The following NEO1 variants were observed in gnomAD, a reference collection of about 807,000 sequenced individuals.
NEO1 encodes neogenin 1, also known as neogenin.
Under a neutral mutation model 159.7 loss-of-function variants are expected in NEO1, and 63 were observed. That is an observed-to-expected ratio of 0.39 (90% confidence interval 0.32 to 0.49). The LOEUF (loss-of-function observed/expected upper bound fraction) is 0.49. Among genes scored for constraint, NEO1 ranks in the 20% least tolerant of loss-of-function variants. The probability of loss-of-function intolerance (pLI) is 0.85; values close to 1 mark genes in which losing one functional copy is unlikely to be tolerated. For synonymous variants in NEO1, 633 were observed against 662.0 expected, an observed-to-expected ratio of 0.96 and a Z score of 0.67; for missense variants, 1,615 against 1,831.0, an observed-to-expected ratio of 0.88 and a Z score of 2.15.
chr15:73,268,181 T>C (rs1250247454), intron 16 of NEO1, among the ~76,000 whole-genome samples: 1 of 152,212 alleles, frequency 6.6e-6, no homozygotes, highest in African/African-American at 2.4e-5. Flanking sequence ...GTTTATAATT[T>C]CTTTTAGAAA....
chr15:73,123,980 C>G (rs946523718), intron 3 of NEO1, among the ~76,000 whole-genome samples: 19 of 152,216 alleles, frequency 1.2e-4, no homozygotes, highest in African/African-American at 4.6e-4. Context: ...TCATTCCTGT[C>G]TCAGTATATT....
chr15:73,232,923 C>G (rs1298174988), intron 7 of NEO1, among the ~76,000 whole-genome samples: 3 of 152,182 alleles, frequency 2.0e-5, no homozygotes, highest in Non-Finnish European at 4.4e-5. Context: ...GCCTCAGACA[C>G]TGTTTGTGTG....
rs1254000332 is a variant in NEO1 at position 73,052,503 on chromosome 15, C to T, written c.-173C>T. On this transcript the variant is annotated 5_prime_UTR_variant, in exon 1 of 29. Transcript: ENST00000261908. Reference sequence around the variant, plus strand: ...TTGCAGGAGGGAGGCGCCCTGGAGTCTCCCCTCCAGCGAGAGGGGCTGCGC... The same window carrying T: ...TTGCAGGAGGGAGGCGCCCTGGAGTTTCCCCTCCAGCGAGAGGGGCTGCGC... 36 of 190,812 alleles carry T rather than the reference C, an allele frequency of 1.9e-4. No individual in the cohort carries two copies. The highest frequency in any genetic ancestry group is 8.7e-4 in the East Asian group (7 of 8,084). The allele number at this position is 190,812 out of a possible 1,614,324, so 11.8% of individuals were successfully genotyped here.
chr15:73,257,132 CAAAAAAA>C (rs10623334), intron 13 of NEO1, among the ~76,000 whole-genome samples: 12,525 of 55,460 alleles, frequency 0.23, 1,367 homozygotes, highest in Middle Eastern at 0.39. Context: ...ACTCTGTCTC[CAAAAAAA>C]AAAAAAAAAA....
chr15:73,103,568 C>T (rs2151524167), intron 1 of NEO1, among the ~76,000 whole-genome samples: 1 of 152,290 alleles, frequency 6.6e-6, no homozygotes, highest in African/African-American at 2.4e-5. Flanking sequence ...GTCATGGCTC[C>T]TATCACACTG....
chr15:73,270,636 G>A (rs16957732), intron 18 of NEO1, among the ~76,000 whole-genome samples, 182 bp downstream of exon 18: 5,691 of 152,286 alleles, frequency 0.037, 354 homozygotes, highest in African/African-American at 0.13. Context: ...CAAATAACAG[G>A]ATACTACAGG....
At chr15:73,235,143 A>G (rs2039104321) in intron 7 of NEO1, among the ~76,000 whole-genome samples, 1 of 152,128 alleles carries the variant, frequency 6.6e-6, no homozygotes, top group Non-Finnish European at 1.5e-5. Context: ...TGGCGTATTT[A>G]TTTAGACTGC....
chr15:73,215,380 A>G (rs367870089), intron 7 of NEO1, among the ~76,000 whole-genome samples: 17 of 152,254 alleles, frequency 1.1e-4, no homozygotes, highest in African/African-American at 3.4e-4. Flanking sequence ...AATGCTTTCA[A>G]CTTTTCCCCA....
chr15:73,263,925 C>T lies in NEO1; in HGVS notation c.2399-2391C>T, dbSNP rs1243888480. Among the ~76,000 whole-genome samples, 6 of 152,314 alleles carry T rather than the reference C, an allele frequency of 3.9e-5. No homozygotes were observed. In the South Asian group the frequency reaches 8.3e-4, roughly 21 times the overall value. ...GTCTGGCCAGGCACAGTGGCTCACA[C>T]CTCTAATCCCAGCACTTTGGGAGGC... On this transcript the variant is annotated intron_variant, in intron 15 of 28. Transcript: ENST00000261908.
At chr15:73,126,770 G>A (rs1267998047) in intron 4 of NEO1, 200 bp downstream of exon 4, 3 of 499,886 alleles carry the variant, frequency 6.0e-6, no homozygotes, top group Non-Finnish European at 1.0e-5. Context: ...AAAATATTAA[G>A]AGATAATTAT....
chr15:73,108,142 A>C (rs903046717), intron 1 of NEO1, among the ~76,000 whole-genome samples: 1 of 152,192 alleles, frequency 6.6e-6, no homozygotes, highest in Non-Finnish European at 1.5e-5. Flanking sequence ...GATTTCCCCC[A>C]CTTTTGAGCT....
intron 1 of NEO1, among the ~76,000 whole-genome samples, chr15:73,113,956 T>C (rs2071148144): frequency 6.6e-6 from 1 of 152,092 alleles, no homozygotes; most frequent in Non-Finnish European, 1.5e-5. Context: ...TTGAAAGAAA[T>C]TATAGAGAAA....
intron 15 of NEO1, among the ~76,000 whole-genome samples, chr15:73,265,713 T>A (rs2040854417): frequency 6.6e-6 from 1 of 152,154 alleles, no homozygotes; most frequent in East Asian, 1.9e-4. Context: ...GTGCCTCTAT[T>A]TGTTGCCCTC....
intron 22 of NEO1, among the ~76,000 whole-genome samples, chr15:73,280,987 C>T (rs1039704929): frequency 6.6e-6 from 1 of 151,596 alleles, no homozygotes. Flanking sequence ...AGGCAGATCA[C>T]GAGGTCAGGA....
At chr15:73,202,183 G>A (rs1324441653) in intron 7 of NEO1, among the ~76,000 whole-genome samples, 5 of 151,490 alleles carry the variant, frequency 3.3e-5, no homozygotes, top group Admixed American at 6.6e-5. Context: ...GGCTGGTCTC[G>A]AACTCCTGAC....
intron 23 of NEO1, among the ~76,000 whole-genome samples, chr15:73,284,831 G>A (rs906873039): frequency 6.6e-5 from 10 of 151,956 alleles, no homozygotes; most frequent in Admixed American, 2.0e-4. Context: ...CAAATGATCC[G>A]CCCGCCTCGG....
chr15:73,163,979 C>T (rs546637472), intron 5 of NEO1, among the ~76,000 whole-genome samples: 2 of 151,236 alleles, frequency 1.3e-5, no homozygotes, highest in East Asian at 3.9e-4. Context: ...GTGGATTTCT[C>T]CAACCCTTTT....
intron 1 of NEO1, among the ~76,000 whole-genome samples, chr15:73,094,032 A>G (rs1403545712): frequency 6.6e-6 from 1 of 152,130 alleles, no homozygotes; most frequent in South Asian, 2.1e-4. Flanking sequence ...AGAATTAACC[A>G]TTCCTTCAAG....
chr15:73,193,355 CAGTT>C (rs2036343619), intron 7 of NEO1, among the ~76,000 whole-genome samples: 1 of 151,898 alleles, frequency 6.6e-6, no homozygotes, highest in African/African-American at 2.4e-5. Context: ...GCTGGAAACT[CAGTT>C]AAGTGACTTG....
Sources: gnomAD v4.1 joint callset for allele counts (sites outside exome capture counted in the v4.1 genomes callset) on GRCh38, gnomAD v4.1.1 for gene constraint, MANE v1.5 for transcripts, NCBI Gene and HGNC (gene_info 2026-07-23, HGNC 2026-07-21) for gene names.